KCTD8: variants seen among roughly 807,000 people sequenced by gnomAD.
KCTD8 encodes the protein BTB/POZ domain-containing protein KCTD8.
Under a neutral mutation model 31.5 loss-of-function variants are expected in KCTD8, and 27 were observed. The ratio of observed to expected loss-of-function variants is 0.86; its 90% CI spans 0.63 to 1.18. The LOEUF (loss-of-function observed/expected upper bound fraction) is 1.18, where lower values mean the gene tolerates loss of function less well. Ranked by LOEUF, KCTD8 falls within the 50% of genes most tolerant of loss-of-function variation. The probability of loss-of-function intolerance (pLI) is 0.00; values close to 1 mark genes in which losing one functional copy is unlikely to be tolerated. For missense variants in KCTD8, 658 were observed against 647.7 expected, an observed-to-expected ratio of 1.02 and a Z score of -0.17; for synonymous variants, 290 against 280.0, an observed-to-expected ratio of 1.04 and a Z score of -0.36.
Position 44,356,724 on chromosome 4 carries a change from G to A in KCTD8, c.961+90839C>T, listed in dbSNP as rs146422156. ...TGACCTGAGGTGATCCACCTGCCTCGGCCTCCCAAAGTGCTGGGATTACAG... is the reference window on the plus strand; with the variant it reads ...TGACCTGAGGTGATCCACCTGCCTCAGCCTCCCAAAGTGCTGGGATTACAG... On this transcript the variant is annotated intron_variant, in intron 1 of 1. Coordinates refer to ENST00000360029, the MANE Select transcript of KCTD8 (RefSeq NM_198353.3). Among the ~76,000 whole-genome samples, 519 of 152,158 alleles carry A rather than the reference G, an allele frequency of 3.4e-3. 5 individuals carry two copies. The highest frequency in any genetic ancestry group is 0.012 in the African/African-American group (490 of 41,510).
At chr4:44,210,257 A>T (rs1714443256) in intron 1 of KCTD8, among the ~76,000 whole-genome samples, 1 of 152,198 alleles carries the variant, frequency 6.6e-6, no homozygotes, top group Non-Finnish European at 1.5e-5. Flanking sequence ...AAGTCAGATT[A>T]TTACAGTAAT....
At chr4:44,392,041 T>C (rs145596075) in intron 1 of KCTD8, among the ~76,000 whole-genome samples, 26 of 152,110 alleles carry the variant, frequency 1.7e-4, no homozygotes, top group Middle Eastern at 3.4e-3. Flanking sequence ...ACTGTCAGAA[T>C]TTCAGAAACA....
At chr4:44,278,360 C>CT (rs1343343680) in intron 1 of KCTD8, among the ~76,000 whole-genome samples, 1 of 152,030 alleles carries the variant, frequency 6.6e-6, no homozygotes, top group African/African-American at 2.4e-5. Flanking sequence ...CCTAACCCCA[C>CT]TTTCTGTCTA....
intron 1 of KCTD8, among the ~76,000 whole-genome samples, chr4:44,274,446 T>G (rs1489346961): frequency 6.6e-6 from 1 of 151,846 alleles, no homozygotes; most frequent in Non-Finnish European, 1.5e-5. Flanking sequence ...AACTTTCAGT[T>G]TTTCCATGAA....
At chr4:44,424,655 G>C (rs1385407749) in intron 1 of KCTD8, among the ~76,000 whole-genome samples, 1 of 151,930 alleles carries the variant, frequency 6.6e-6, no homozygotes, top group Non-Finnish European at 1.5e-5. Flanking sequence ...ACTAAACAGA[G>C]AGTCACATGA....
intron 1 of KCTD8, among the ~76,000 whole-genome samples, chr4:44,241,918 TA>T (rs1715466694): frequency 6.6e-6 from 1 of 152,216 alleles, no homozygotes; most frequent in African/African-American, 2.4e-5. Flanking sequence ...AATATTGCTA[TA>T]ATAATAAATA....
intron 1 of KCTD8, among the ~76,000 whole-genome samples, chr4:44,259,943 T>TA (rs761629164): frequency 2.0e-5 from 3 of 151,916 alleles, no homozygotes; most frequent in Non-Finnish European, 4.4e-5. Context: ...GATTACATGT[T>TA]CAATTATATA....
At chr4:44,414,692 T>C (rs781038378) in intron 1 of KCTD8, among the ~76,000 whole-genome samples, 4 of 152,178 alleles carry the variant, frequency 2.6e-5, no homozygotes, top group Non-Finnish European at 5.9e-5. Flanking sequence ...AAATTTAAGA[T>C]AATACATTTA....
chr4:44,417,225 G>A (rs1043258492), intron 1 of KCTD8, among the ~76,000 whole-genome samples: 1 of 152,128 alleles, frequency 6.6e-6, no homozygotes, highest in African/African-American at 2.4e-5. Context: ...AGCTCAGGAG[G>A]ATAAGTTTTT....
At chr4:44,293,543 T>G in intron 1 of KCTD8, 1 of 403,616 alleles carries the variant, frequency 2.5e-6, no homozygotes, top group South Asian at 1.8e-5. Flanking sequence ...CACAAAGAAA[T>G]TGAATTTATA....
intron 1 of KCTD8, among the ~76,000 whole-genome samples, chr4:44,332,827 A>C (rs755976773): frequency 6.6e-6 from 1 of 152,056 alleles, no homozygotes; most frequent in Non-Finnish European, 1.5e-5. Context: ...CACTGTTTCA[A>C]AAATGCTCTT....
intron 1 of KCTD8, among the ~76,000 whole-genome samples, chr4:44,436,911 A>G (rs1323594791): frequency 6.6e-6 from 1 of 152,154 alleles, no homozygotes; most frequent in Non-Finnish European, 1.5e-5. Context: ...ACCTTCCTCC[A>G]AAACCATTAA....
At chr4:44,214,162 C>T (rs538793403) in intron 1 of KCTD8, among the ~76,000 whole-genome samples, 3 of 152,228 alleles carry the variant, frequency 2.0e-5, no homozygotes, top group Non-Finnish European at 2.9e-5. Context: ...ATCATCTGGC[C>T]CTTCTTTGAA....
intron 1 of KCTD8, among the ~76,000 whole-genome samples, chr4:44,307,788 T>C (rs1056270622): frequency 1.3e-5 from 2 of 151,982 alleles, no homozygotes; most frequent in Non-Finnish European, 2.9e-5. Context: ...AGGCCAGTGC[T>C]GTACACATAA....
At chr4:44,202,039 T>G (rs1714165376) in intron 1 of KCTD8, among the ~76,000 whole-genome samples, 1 of 151,944 alleles carries the variant, frequency 6.6e-6, no homozygotes, top group African/African-American at 2.4e-5. Flanking sequence ...TATGAAAAAA[T>G]ACCCAACATT....
intron 1 of KCTD8, 113 bp from the exon 2 acceptor site, chr4:44,175,363 C>A (rs911522126): frequency 7.7e-6 from 5 of 651,246 alleles, no homozygotes; most frequent in Non-Finnish European, 1.2e-5. Context: ...TTTATTTTAA[C>A]AAAAATGGTG....
chr4:44,411,146 T>C (rs1157963714), intron 1 of KCTD8, among the ~76,000 whole-genome samples: 1 of 152,116 alleles, frequency 6.6e-6, no homozygotes, highest in Non-Finnish European at 1.5e-5. Context: ...CTTATATGCT[T>C]GAAACAAACT....
At chr4:44,261,598 T>C (rs1409324876) in intron 1 of KCTD8, among the ~76,000 whole-genome samples, 1 of 151,942 alleles carries the variant, frequency 6.6e-6, no homozygotes, top group Non-Finnish European at 1.5e-5. Context: ...ACATTTCTCA[T>C]ACCCCCAACC....
chr4:44,281,418 T>C (rs1716902638), intron 1 of KCTD8, among the ~76,000 whole-genome samples: 2 of 152,094 alleles, frequency 1.3e-5, no homozygotes, highest in Admixed American at 1.3e-4. Context: ...CCTTGGCACA[T>C]ATTAAGTCAT....
Sources: gnomAD v4.1 joint callset for allele counts (sites outside exome capture counted in the v4.1 genomes callset) on GRCh38, gnomAD v4.1.1 for gene constraint, MANE v1.5 for transcripts, NCBI Gene and HGNC (gene_info 2026-07-23, HGNC 2026-07-21) for gene names.